The following FAM151B variants were observed in gnomAD, a reference collection of about 807,000 sequenced individuals.
FAM151B encodes protein FAM151B.
A neutral mutation model predicts 31.2 loss-of-function variants in FAM151B; 24 were observed. The observed-to-expected ratio is 0.77, with a 90% CI of 0.56 to 1.08. The LOEUF is 1.08. FAM151B is among the 50% of genes least tolerant of loss of function. The pLI is 0.00. For synonymous variants in FAM151B, 105 were observed against 111.4 expected (o/e 0.94, Z 0.36); for missense variants, 293 against 328.6 (o/e 0.89, Z 0.84).
chr5:80,498,445 G>A, intron 1 of FAM151B: 1 of 449,788 alleles, frequency 2.2e-6, no homozygotes, highest in Non-Finnish European at 4.1e-6. Flanking sequence ...GTTTCCGATA[G>A]CCATTTTTAG....
chr5:80,538,365 C>T (rs1745618800), intron 5 of FAM151B, among the ~76,000 whole-genome samples: 1 of 147,078 alleles, frequency 6.8e-6, no homozygotes, highest in African/African-American at 2.5e-5. Context: ...CCGCACCCAG[C>T]CTTTCTTTTT....
At chr5:80,495,605 C>G (rs566466776) in intron 1 of FAM151B, among the ~76,000 whole-genome samples, 1 of 151,918 alleles carries the variant, frequency 6.6e-6, no homozygotes, top group Non-Finnish European at 1.5e-5. Context: ...CTGAGGCAGG[C>G]GGATCATGAG....
At position 80,525,093 on chromosome 5, in the gene FAM151B, G is replaced by A. The variant is rs1002814101; in HGVS notation, c.671+2955G>A. The stretch of plus-strand genomic sequence containing the variant: ...ACAGCATTAAGCAAAGAGCCTTAGA[G>A]ATTATTTTAGTTACTCTGGTGTCAA... On this transcript the variant is annotated intron_variant, in intron 5 of 5. Transcript: ENST00000282226. Among the ~76,000 whole-genome samples the A allele has an allele frequency of 3.3e-5, 5 of 152,180 alleles. No individual in the cohort carries two copies. The East Asian group carries it at 7.7e-4, about 23-fold the overall frequency.
chr5:80,498,040 A>G (rs973802121), intron 1 of FAM151B, among the ~76,000 whole-genome samples: 5 of 152,198 alleles, frequency 3.3e-5, no homozygotes, highest in Admixed American at 3.3e-4. Context: ...AGTCCTCTAA[A>G]TCATTTGGTG....
At position 80,519,846 on chromosome 5, in the gene FAM151B, C is replaced by CT; in HGVS notation, c.474dup (p.Pro159SerfsTer16). 6.2e-7 allele frequency: 1 copy of CT among 1,614,186 alleles called. No individual in the cohort carries two copies. Among genetic ancestry groups the CT allele is most frequent in the Non-Finnish European group, 8.5e-7 (1 of 1,180,020 alleles). On this transcript the variant is annotated frameshift_variant, in exon 4 of 6. Coordinates refer to ENST00000282226, the MANE Select transcript of FAM151B (RefSeq NM_205548.3). LOFTEE classifies it high-confidence loss of function. ...CATTTTTAGACACCGTGATATCCTT[C>CT]TTTCCAGACGTGACGTTTTCCCTGG... is the stretch of plus-strand genomic sequence containing the variant.
At chr5:80,494,456 T>TTTTCTTTCTTTCTTTC (rs3043120) in intron 1 of FAM151B, among the ~76,000 whole-genome samples, 4 of 82,688 alleles carry the variant, frequency 4.8e-5, no homozygotes, top group African/African-American at 1.8e-4. Flanking sequence ...TCTTTCTTTC[T>TTTTCTTTCTTTCTTTC]TTTCTTTCTT....
chr5:80,494,456 T>TTTCTTTCTTTTCTTTCTTTCTTTCTTTC (rs753640131), intron 1 of FAM151B, among the ~76,000 whole-genome samples: 5 of 82,688 alleles, frequency 6.0e-5, no homozygotes, highest in African/African-American at 2.2e-4. Flanking sequence ...TCTTTCTTTC[T>TTTCTTTCTTTTCTTTCTTTCTTTCTTTC]TTTCTTTCTT....
chr5:80,541,495 C>G (rs1745888580), intron 5 of FAM151B, among the ~76,000 whole-genome samples, 178 bp from the exon 6 acceptor site: 1 of 152,252 alleles, frequency 6.6e-6, no homozygotes, highest in South Asian at 2.1e-4. Flanking sequence ...GTTTTTTTGT[C>G]TCTAGTCCCT....
At chr5:80,533,149 G>T (rs1195727303) in intron 5 of FAM151B, among the ~76,000 whole-genome samples, 1 of 148,364 alleles carries the variant, frequency 6.7e-6, no homozygotes, top group South Asian at 2.2e-4. Flanking sequence ...AGGCTGACGC[G>T]GGTGGATCAC....
chr5:80,535,729 T>C (rs186868170), intron 5 of FAM151B, among the ~76,000 whole-genome samples: 168 of 152,208 alleles, frequency 1.1e-3, no homozygotes, highest in African/African-American at 3.9e-3. Context: ...AAAGCAAAAA[T>C]GGACAAATGG....
intron 2 of FAM151B, among the ~76,000 whole-genome samples, chr5:80,505,303 T>C (rs909438955): frequency 6.6e-6 from 1 of 152,026 alleles, no homozygotes; most frequent in Non-Finnish European, 1.5e-5. Context: ...CCCAGCCATT[T>C]TGTTATTTTA....
At position 80,522,001 on chromosome 5, in the gene FAM151B, AG is replaced by A. The variant is rs1166055982; in HGVS notation, c.537del. ...AGTTAAATTTTTTTCTTTTCTTTTA[AG>A]GGTACAGTTGGACAATGGTGAAAGA... On this transcript the variant is annotated splice_acceptor_variant, in intron 4 of 5. Coordinates refer to ENST00000282226, the MANE Select transcript of FAM151B (RefSeq NM_205548.3). LOFTEE classifies it high-confidence loss of function. 7.8e-6 allele frequency: 12 copies of A among 1,543,112 alleles called. No homozygotes were observed. The highest frequency in any genetic ancestry group is 7.1e-5 in the Admixed American group (4 of 56,200).
intron 5 of FAM151B, among the ~76,000 whole-genome samples, chr5:80,534,532 A>G (rs1303054492): frequency 6.6e-6 from 1 of 152,208 alleles, no homozygotes; most frequent in Non-Finnish European, 1.5e-5. Context: ...TTGATGCTGA[A>G]AAAACATTGG....
chr5:80,488,158 G>C lies in FAM151B; in HGVS notation c.25+10G>C. 1 of 1,541,264 alleles carries C rather than the reference G, an allele frequency of 6.5e-7. No homozygotes were observed. Among genetic ancestry groups the C allele is most frequent in the Non-Finnish European group, 8.7e-7 (1 of 1,145,700 alleles). ...TCCGCTGGAGGCCCAGGTAAGCGCCGAGCGCGCGGCCTCTGCCTGGAGGTG... is the reference window on the plus strand; with the variant it reads ...TCCGCTGGAGGCCCAGGTAAGCGCCCAGCGCGCGGCCTCTGCCTGGAGGTG... On this transcript the variant is annotated intron_variant, in intron 1 of 5. Coordinates refer to ENST00000282226, the MANE Select transcript of FAM151B (RefSeq NM_205548.3).
At chr5:80,528,826 A>C (rs1745090088) in intron 5 of FAM151B, among the ~76,000 whole-genome samples, 1 of 152,198 alleles carries the variant, frequency 6.6e-6, no homozygotes, top group Non-Finnish European at 1.5e-5. Context: ...TAGACAGATC[A>C]ACGAGACAGA....
intron 5 of FAM151B, among the ~76,000 whole-genome samples, chr5:80,533,696 G>C (rs1189188811): frequency 5.4e-5 from 7 of 129,896 alleles, no homozygotes; most frequent in Non-Finnish European, 7.8e-5. Context: ...ATTGCAGTGA[G>C]CCGAGATCAC....
chr5:80,508,189 G>A (rs752288813), intron 2 of FAM151B, among the ~76,000 whole-genome samples: 1 of 152,154 alleles, frequency 6.6e-6, no homozygotes, highest in Non-Finnish European at 1.5e-5. Flanking sequence ...GGTAGACATT[G>A]GTTGTTTCCC....
In FAM151B at chr5:80,540,679, C is replaced by A. The variant is rs377257042; in HGVS notation, c.672-994C>A. On this transcript the variant is annotated intron_variant, in intron 5 of 5. Coordinates refer to ENST00000282226, the MANE Select transcript of FAM151B (RefSeq NM_205548.3). ...TGCCCAGATAAAGTAATAGAGATTC[C>A]ATTTTAGCAAAAAATATAGGTTTCA... Among the ~76,000 whole-genome samples, 34 of 152,188 alleles carry A rather than the reference C, an allele frequency of 2.2e-4. No homozygotes were observed. In the East Asian group the frequency reaches 4.6e-3, roughly 21 times the overall value.
At chr5:80,537,621 T>C (rs1190872236) in intron 5 of FAM151B, among the ~76,000 whole-genome samples, 1 of 152,228 alleles carries the variant, frequency 6.6e-6, no homozygotes, top group Non-Finnish European at 1.5e-5. Flanking sequence ...TTACAGGTCT[T>C]CCTGTTATAA....
Sources: allele counts gnomAD v4.1 joint callset (sites outside exome capture counted in the v4.1 genomes callset), GRCh38; gene constraint gnomAD v4.1.1; transcripts MANE v1.5; gene names NCBI Gene and HGNC (gene_info 2026-07-23, HGNC 2026-07-21).